Variants in RBMS2 observed in about 807,000 individuals in gnomAD.
RBMS2 encodes the protein RNA-binding motif, single-stranded-interacting protein 2.
In RBMS2, 38 loss-of-function variants were observed where a neutral mutation model predicts 58.4. That is an observed-to-expected ratio of 0.65 (90% CI 0.50 to 0.85). RBMS2 has a LOEUF of 0.85. Among genes scored for constraint, RBMS2 ranks in the 40% least tolerant of loss-of-function variants. RBMS2 has a pLI of 0.00. For missense variants in RBMS2, 367 were observed against 503.7 expected (o/e 0.73, Z 2.60); for synonymous variants, 151 against 180.7 (o/e 0.84, Z 1.32).
chr12:56,557,753 TTTGAGACGGAG>T, intron 1 of RBMS2, among the ~76,000 whole-genome samples: 1 of 151,610 alleles, frequency 6.6e-6, no homozygotes, highest in African/African-American at 2.4e-5. Flanking sequence ...TTTTTTTTTT[TTTGAGACGGAG>T]TTTCGCTCTT....
At chr12:56,554,442 T>C (rs1878867919) in intron 1 of RBMS2, among the ~76,000 whole-genome samples, 1 of 152,090 alleles carries the variant, frequency 6.6e-6, no homozygotes, top group Non-Finnish European at 1.5e-5. Context: ...TGCATGGACA[T>C]GGATGGAGCT....
At chr12:56,565,583 G>A (rs990307659) in intron 2 of RBMS2, among the ~76,000 whole-genome samples, 10 of 152,124 alleles carry the variant, frequency 6.6e-5, no homozygotes, top group Admixed American at 3.9e-4. Flanking sequence ...GCCCAAAAGG[G>A]GACTGTGGAG....
intron 9 of RBMS2, among the ~76,000 whole-genome samples, chr12:56,582,662 TTTTGTTTG>T (rs373593997): frequency 6.6e-6 from 1 of 152,018 alleles, no homozygotes; most frequent in East Asian, 1.9e-4. Context: ...TGATCTGGGC[TTTTGTTTG>T]TTTGTTTGTT....
At chr12:56,560,672 G>T (rs953894445) in intron 1 of RBMS2, among the ~76,000 whole-genome samples, 1 of 152,158 alleles carries the variant, frequency 6.6e-6, no homozygotes, top group Non-Finnish European at 1.5e-5. Flanking sequence ...TGGGATTACA[G>T]GTGTGAGCCA....
chr12:56,587,728 T>C (rs1209073377), intron 11 of RBMS2, 64 bp downstream of exon 11: 2 of 1,523,796 alleles, frequency 1.3e-6, no homozygotes, highest in Non-Finnish European at 1.8e-6. Flanking sequence ...TGTAATACTC[T>C]TCAGCGTAAG....
chr12:56,533,569 C>G (rs1465791883), intron 1 of RBMS2, among the ~76,000 whole-genome samples: 1 of 151,706 alleles, frequency 6.6e-6, no homozygotes, highest in African/African-American at 2.4e-5. Flanking sequence ...GCGCATGCCA[C>G]TACACCTGGC....
chr12:56,548,285 A>G (rs1161925343), intron 1 of RBMS2, among the ~76,000 whole-genome samples: 1 of 151,954 alleles, frequency 6.6e-6, no homozygotes, highest in Non-Finnish European at 1.5e-5. Context: ...CATCTCTACT[A>G]AAAATACAAA....
chr12:56,539,799 A>G lies in RBMS2; in HGVS notation c.66+17710A>G, dbSNP rs1440632175. ...ATTCTCCTCCCTCAGCCTCCTGAGC[A>G]TACCAGTTACTGTTCTAAGCCCTTT... On this transcript the variant is annotated intron_variant, in intron 1 of 13. Coordinates refer to ENST00000262031, the MANE Select transcript of RBMS2 (RefSeq NM_002898.4). The G allele has an allele frequency of 7.6e-6, 3 of 396,504 alleles. No homozygotes were observed. The East Asian group carries it at 2.4e-4, about 32-fold the overall frequency. The allele number at this position is 396,504 out of a possible 1,614,324, so 24.6% of individuals were successfully genotyped here. A position where few individuals can be genotyped will look rare whatever the true frequency, so the allele number is the denominator to read the frequency against.
chr12:56,584,417 G>C (rs1884382365), intron 9 of RBMS2, among the ~76,000 whole-genome samples: 1 of 148,308 alleles, frequency 6.7e-6, no homozygotes, highest in Non-Finnish European at 1.5e-5. Flanking sequence ...GTGCAACAGA[G>C]CAAGACCATG....
At chr12:56,573,361 CAGCTACTCGGGAGGCT>C (rs925690063) in intron 5 of RBMS2, among the ~76,000 whole-genome samples, 3 of 151,056 alleles carry the variant, frequency 2.0e-5, no homozygotes, top group African/African-American at 7.3e-5. Flanking sequence ...CCTGTAGTCC[CAGCTACTCGGGAGGCT>C]GAGGCAGGAG....
intron 5 of RBMS2, among the ~76,000 whole-genome samples, chr12:56,575,922 C>T (rs1883066708): frequency 6.6e-6 from 1 of 151,876 alleles, no homozygotes; most frequent in Admixed American, 6.6e-5. Context: ...TAGAGTGGTC[C>T]CCCCTTATTT....
At chr12:56,567,397 AAG>A (rs1343722969) in intron 2 of RBMS2, among the ~76,000 whole-genome samples, 2 of 151,646 alleles carry the variant, frequency 1.3e-5, no homozygotes, top group Non-Finnish European at 2.9e-5. Flanking sequence ...AAAAAAAAAA[AAG>A]AAGAGGAAGG....
At chr12:56,549,798 G>A (rs1308991706) in intron 1 of RBMS2, among the ~76,000 whole-genome samples, 1 of 151,986 alleles carries the variant, frequency 6.6e-6, no homozygotes, top group South Asian at 2.1e-4. Flanking sequence ...AGGCTGAGGC[G>A]GGCAGATCCA....
chr12:56,583,638 G>C (rs1207711367), intron 9 of RBMS2, among the ~76,000 whole-genome samples: 1 of 139,824 alleles, frequency 7.2e-6, no homozygotes, highest in Non-Finnish European at 1.5e-5. Flanking sequence ...TGGGCGACAA[G>C]AGTGAAACTC....
intron 1 of RBMS2, among the ~76,000 whole-genome samples, chr12:56,533,556 T>C (rs7136456): frequency 0.45 from 67,343 of 150,356 alleles, 15,858 homozygotes; most frequent in East Asian, 0.59. Flanking sequence ...GGTGGGACTA[T>C]AGGCGCATGC....
chr12:56,562,692 A>T (rs1323889952), intron 2 of RBMS2, 109 bp downstream of exon 2: 7 of 1,239,294 alleles, frequency 5.6e-6, no homozygotes, highest in Non-Finnish European at 8.1e-6. Context: ...GGCTCAAGTG[A>T]TCCTCCTGTC....
intron 1 of RBMS2, among the ~76,000 whole-genome samples, chr12:56,546,017 A>G (rs1009209899): frequency 6.0e-5 from 9 of 151,058 alleles, no homozygotes; most frequent in African/African-American, 2.2e-4. Flanking sequence ...GCTCACTGCA[A>G]TCTCTGCCTC....
chr12:56,554,382 T>C (rs1416947799), intron 1 of RBMS2, among the ~76,000 whole-genome samples: 1 of 152,162 alleles, frequency 6.6e-6, no homozygotes, highest in Admixed American at 6.6e-5. Flanking sequence ...CTGGTAAATA[T>C]ATACCATGGA....
rs527818638 is a variant in RBMS2 at position 56,581,663 on chromosome 12, G to A, written c.732+155G>A. On this transcript the variant is annotated intron_variant, in intron 7 of 13. Transcript: ENST00000262031. ...GTGAACATACTGCCAGTTTGTTCTCGAGTGTGGCTTTGCGGCCTGCACAAT... is the reference window on the plus strand; with the variant it reads ...GTGAACATACTGCCAGTTTGTTCTCAAGTGTGGCTTTGCGGCCTGCACAAT... The A allele has an allele frequency of 7.1e-5, 80 of 1,126,678 alleles. No individual in the cohort carries two copies. In the South Asian group the frequency reaches 8.9e-4, roughly 13 times the overall value. 69.8% of individuals were successfully genotyped at this position (1,126,678 alleles called of 1,614,324 possible).
Sources: allele counts gnomAD v4.1 joint callset (sites outside exome capture counted in the v4.1 genomes callset), GRCh38; gene constraint gnomAD v4.1.1; transcripts MANE v1.5; gene names NCBI Gene and HGNC (gene_info 2026-07-23, HGNC 2026-07-21).